SPATA16: variants seen among roughly 807,000 people sequenced by gnomAD.
SPATA16 encodes spermatogenesis-associated protein 16.
SPATA16 carries 36 observed loss-of-function variants against 63.3 expected under a neutral mutation model. That is an observed-to-expected ratio of 0.57 (90% CI 0.44 to 0.75). SPATA16 has a LOEUF of 0.75. Ranked by LOEUF, SPATA16 falls within the 30% of genes least tolerant of loss-of-function variation. The pLI, the probability that SPATA16 is intolerant of heterozygous loss-of-function variation, is 0.00. For missense variants in SPATA16, 646 were observed against 679.3 expected (o/e 0.95, Z 0.54); for synonymous variants, 203 against 216.7 (o/e 0.94, Z 0.56).
At chr3:172,956,498 C>T (rs1733598388) in intron 6 of SPATA16, among the ~76,000 whole-genome samples, 179 bp downstream of exon 6, 1 of 152,068 alleles carries the variant, frequency 6.6e-6, no homozygotes, top group Non-Finnish European at 1.5e-5. Context: ...AAATATTGTG[C>T]TAGAACTATA....
At chr3:173,056,579 C>T (rs1183901118) in intron 2 of SPATA16, among the ~76,000 whole-genome samples, 1 of 151,874 alleles carries the variant, frequency 6.6e-6, no homozygotes, top group Non-Finnish European at 1.5e-5. Context: ...TGGCGGGCCC[C>T]TGTAACCCCA....
At chr3:172,891,151 A>G (rs1353007101) in intron 10 of SPATA16, among the ~76,000 whole-genome samples, 8 of 152,122 alleles carry the variant, frequency 5.3e-5, no homozygotes, top group Admixed American at 5.2e-4. Context: ...TGTATTGACA[A>G]TGTATCATTT....
chr3:173,078,838 C>T (rs1006002024), intron 2 of SPATA16, among the ~76,000 whole-genome samples: 2 of 152,104 alleles, frequency 1.3e-5, no homozygotes, highest in African/African-American at 4.8e-5. Flanking sequence ...AGTGAGCAGA[C>T]GCAGACAATT....
intron 4 of SPATA16, among the ~76,000 whole-genome samples, chr3:172,993,177 C>A (rs908460175): frequency 6.1e-5 from 9 of 146,594 alleles, no homozygotes; most frequent in Admixed American, 5.4e-4. Flanking sequence ...AAAATCCAAC[C>A]TTTGTTGGAT....
In SPATA16 at chr3:173,115,046, T is replaced by G. The variant is rs150032314; in HGVS notation, c.612+2074A>C. 3.3e-5 allele frequency among the ~76,000 whole-genome samples: 5 copies of G among 152,196 alleles called. No individual in the cohort carries two copies. In the East Asian group the frequency reaches 7.7e-4, roughly 24 times the overall value. ...TAATTAGTGTCAGCATCCAAAACTT[T>G]CCTTAGAACCCTGGGAGAGAGAAGG... is the stretch of plus-strand genomic sequence containing the variant. On this transcript the variant is annotated intron_variant, in intron 2 of 10. Transcript: ENST00000351008.
At chr3:173,038,148 C>T (rs1054901572) in intron 3 of SPATA16, among the ~76,000 whole-genome samples, 1 of 152,004 alleles carries the variant, frequency 6.6e-6, no homozygotes, top group Non-Finnish European at 1.5e-5. Flanking sequence ...CAGGCATAGG[C>T]TGGCAAGAGT....
At position 173,117,078 on chromosome 3, in the gene SPATA16, A is replaced by G. The variant is rs373736461; in HGVS notation, c.612+42T>C. On this transcript the variant is annotated intron_variant, in intron 2 of 10. Transcript: ENST00000351008. ...CAATGTAATTGCAACTTTCCATTTC[A>G]TAGTTTCCTGTCACCAATCTATATT... is the stretch of plus-strand genomic sequence containing the variant. The G allele has an allele frequency of 3.1e-6, 5 of 1,595,980 alleles. No homozygotes were observed. In the Admixed American group the frequency reaches 8.3e-5, roughly 27 times the overall value.
intron 4 of SPATA16, among the ~76,000 whole-genome samples, chr3:172,980,436 G>C (rs1577116853): frequency 6.6e-6 from 1 of 152,104 alleles, no homozygotes; most frequent in African/African-American, 2.4e-5. Flanking sequence ...TCATGATTCT[G>C]TTCATCTTAT....
At chr3:172,938,992 CA>C (rs1469700156) in intron 6 of SPATA16, among the ~76,000 whole-genome samples, 1 of 152,038 alleles carries the variant, frequency 6.6e-6, no homozygotes, top group Non-Finnish European at 1.5e-5. Flanking sequence ...CTGCTGACCT[CA>C]AATTTTAAAA....
chr3:173,124,807 C>T (rs901772584), intron 1 of SPATA16, among the ~76,000 whole-genome samples: 1 of 152,044 alleles, frequency 6.6e-6, no homozygotes, highest in Admixed American at 6.6e-5. Context: ...TTCTCAATAT[C>T]CTGGATTGGC....
chr3:172,936,323 C>A (rs1462061395), intron 6 of SPATA16, among the ~76,000 whole-genome samples: 1 of 152,162 alleles, frequency 6.6e-6, no homozygotes, highest in Non-Finnish European at 1.5e-5. Flanking sequence ...ATAATGAAAT[C>A]TCAATAAAAG....
chr3:172,955,120 G>A (rs1252083455), intron 6 of SPATA16, among the ~76,000 whole-genome samples: 2 of 152,134 alleles, frequency 1.3e-5, no homozygotes, highest in African/African-American at 4.8e-5. Flanking sequence ...CATGAGTCTG[G>A]CTCATTAATG....
chr3:173,060,076 G>A (rs1736343219), intron 2 of SPATA16, among the ~76,000 whole-genome samples: 1 of 151,760 alleles, frequency 6.6e-6, no homozygotes, highest in Non-Finnish European at 1.5e-5. Flanking sequence ...GGCCAACATG[G>A]TGAAACCCGG....
rs537401010 is a variant in SPATA16, at chr3:173,128,249, C to A, written c.-18-10500G>T. 2.6e-5 allele frequency among the ~76,000 whole-genome samples: 4 copies of A among 152,254 alleles called. No homozygotes were observed. The South Asian group carries it at 8.3e-4, about 32-fold the overall frequency. The stretch of plus-strand genomic sequence containing the variant: ...ACATAATGTCCTCAGCAGTTAGAAG[C>A]ACAAACTCATGGCATAAAGTAGGCA... On this transcript the variant is annotated intron_variant, in intron 1 of 10. Coordinates refer to ENST00000351008, the MANE Select transcript of SPATA16 (RefSeq NM_031955.6).
At chr3:173,128,497 C>A (rs76512018) in intron 1 of SPATA16, among the ~76,000 whole-genome samples, 3,407 of 152,186 alleles carry the variant, frequency 0.022, 56 homozygotes, top group Non-Finnish European at 0.035. Flanking sequence ...CCAGGCCCCA[C>A]AGATTTTGAT....
intron 2 of SPATA16, among the ~76,000 whole-genome samples, chr3:173,059,832 C>CTTTTTTTTTTT (rs201000096): frequency 5.6e-5 from 4 of 71,338 alleles, no homozygotes; most frequent in Admixed American, 1.8e-4. Context: ...CATTTGGTAG[C>CTTTTTTTTTTT]TTTTTTTTTT....
intron 4 of SPATA16, among the ~76,000 whole-genome samples, chr3:172,985,081 G>C (rs1734415883): frequency 6.6e-6 from 1 of 152,140 alleles, no homozygotes; most frequent in Non-Finnish European, 1.5e-5. Context: ...TATATTCACT[G>C]TGGTTGATTC....
intron 4 of SPATA16, among the ~76,000 whole-genome samples, chr3:173,005,663 A>G (rs1049763482): frequency 1.3e-5 from 2 of 152,238 alleles, no homozygotes; most frequent in Non-Finnish European, 2.9e-5. Flanking sequence ...GGCAAAAATA[A>G]CTATCATGAT....
chr3:173,053,217 A>C (rs1481617661), intron 2 of SPATA16, among the ~76,000 whole-genome samples: 4 of 152,124 alleles, frequency 2.6e-5, no homozygotes, highest in African/African-American at 9.7e-5. Flanking sequence ...TTAACCAGGC[A>C]TGGTGGCGGG....
Sources: allele counts gnomAD v4.1 joint callset (sites outside exome capture counted in the v4.1 genomes callset), GRCh38; gene constraint gnomAD v4.1.1; transcripts MANE v1.5; gene names NCBI Gene and HGNC (gene_info 2026-07-23, HGNC 2026-07-21).